The following SYCP2 variants were observed in gnomAD, a reference collection of about 807,000 sequenced individuals.
SYCP2 encodes the protein synaptonemal complex protein 2.
A neutral mutation model predicts 211.3 loss-of-function variants in SYCP2; 55 were observed. The ratio of observed to expected loss-of-function variants is 0.26; its 90% confidence interval spans 0.21 to 0.33. The LOEUF is 0.33. Ranked by LOEUF, SYCP2 falls within the 10% of genes least tolerant of loss-of-function variation. SYCP2 has a pLI of 1.00. For missense variants in SYCP2, 1,731 were observed against 1,752.0 expected (o/e 0.99, Z 0.21); for synonymous variants, 570 against 555.2 (o/e 1.03, Z -0.37).
At chr20:59,915,434 G>T in intron 9 of SYCP2, 31 bp downstream of exon 9, 1 of 1,387,482 alleles carries the variant, frequency 7.2e-7, no homozygotes, top group South Asian at 1.2e-5. Context: ...TGGATTTTAA[G>T]AATAAAAACC....
Position 59,914,019 on chromosome 20 carries a change from C to T in SYCP2, c.786G>A (p.Arg262=), listed in dbSNP as rs1477986676. The T allele has an allele frequency of 1.3e-6, 2 of 1,595,044 alleles. No homozygotes were observed. Among genetic ancestry groups the T allele is most frequent in the Admixed American group, 3.5e-5 (2 of 57,572 alleles). The change falls in exon 12 of 45, where the codon AGG becomes AGA. Residue 262 remains arginine (R), a synonymous_variant. Transcript: ENST00000357552. The part of the protein sequence containing the change: ...IKDSEFETDC[R]IFLNLVNGML... ...TGCCATTTACAAGGTTGAGAAATAT[C>T]CTGCAATCCTAATTTTAAAGAGAAA...
In SYCP2 at chr20:59,863,616, A is replaced by G. The variant is rs1203347326; in HGVS notation, c.*695T>C. 6.6e-6 allele frequency: 1 copy of G among 152,006 alleles called. No individual in the cohort carries two copies. Among genetic ancestry groups the G allele is most frequent in the African/African-American group, 2.4e-5 (1 of 41,428 alleles). The allele number at this position is 152,006 out of a possible 1,614,324, so 9.4% of individuals were successfully genotyped here. ...ATAAGCATTTATTTCAACTTCATTAAAAGCAAATCAAATGTATACTCATTT... is the reference window on the plus strand; with the variant it reads ...ATAAGCATTTATTTCAACTTCATTAGAAGCAAATCAAATGTATACTCATTT... On this transcript the variant is annotated 3_prime_UTR_variant, in exon 45 of 45. Transcript: ENST00000357552.
rs2060438268 is a variant in SYCP2 at position 59,916,204 on chromosome 20, T to C, written c.513+282A>G. Among the ~76,000 whole-genome samples the C allele has an allele frequency of 2.6e-5, 4 of 152,298 alleles. No individual in the cohort carries two copies. The South Asian group carries it at 8.3e-4, about 32-fold the overall frequency. The stretch of plus-strand genomic sequence containing the variant: ...TATGATTATAGTACATGTACACACA[T>C]ACATATACTAATACAGATTATTTTT... On this transcript the variant is annotated intron_variant, in intron 8 of 44. Transcript: ENST00000357552.
intron 2 of SYCP2, among the ~76,000 whole-genome samples, chr20:59,927,922 C>CT (rs1292927548): frequency 6.6e-6 from 1 of 152,050 alleles, no homozygotes; most frequent in South Asian, 2.1e-4. Flanking sequence ...TTGTTCTGTC[C>CT]TTTTTTTCTG....
chr20:59,906,918 T>C (rs186166083), intron 15 of SYCP2, among the ~76,000 whole-genome samples: 48 of 152,318 alleles, frequency 3.2e-4, no homozygotes, highest in Admixed American at 1.9e-3. Flanking sequence ...TCACTAGTCA[T>C]TGGAAAAATG....
chr20:59,892,567 C>T lies in SYCP2; in HGVS notation c.1927+1G>A. Reference sequence around the variant, plus strand: ...TACATATAGATAAAACTAAGTTTCACCTTGATTCAATGTGTCTCCTGACGA... The same window carrying T: ...TACATATAGATAAAACTAAGTTTCATCTTGATTCAATGTGTCTCCTGACGA... On this transcript the variant is annotated splice_donor_variant, in intron 23 of 44. Coordinates refer to ENST00000357552, the MANE Select transcript of SYCP2 (RefSeq NM_014258.4). LOFTEE classifies it high-confidence loss of function. 1 of 1,601,840 alleles carries T rather than the reference C, an allele frequency of 6.2e-7. No homozygotes were observed. Among genetic ancestry groups the T allele is most frequent in the Non-Finnish European group, 8.5e-7 (1 of 1,175,830 alleles).
In SYCP2 at chr20:59,912,364, A is replaced by C. The variant is rs765316614; in HGVS notation, c.876+9T>G. 80 of 1,003,454 alleles carry C rather than the reference A, an allele frequency of 8.0e-5. 1 individual carries two copies. In the Admixed American group the frequency reaches 2.0e-3, roughly 25 times the overall value. 62.2% of individuals were successfully genotyped at this position (1,003,454 alleles called of 1,614,324 possible). A position where few individuals can be genotyped will look rare whatever the true frequency, so the allele number is the denominator to read the frequency against. Reference sequence around the variant, plus strand: ...ATAACTAAAATAATGTGTTAAATTAAAATTTTACCTCATATTTATCAAGAA... The same window carrying C: ...ATAACTAAAATAATGTGTTAAATTACAATTTTACCTCATATTTATCAAGAA... On this transcript the variant is annotated intron_variant, in intron 13 of 44. Transcript: ENST00000357552.
At chr20:59,875,809 G>A (rs1312527051) in intron 33 of SYCP2, among the ~76,000 whole-genome samples, 1 of 152,092 alleles carries the variant, frequency 6.6e-6, no homozygotes, top group Non-Finnish European at 1.5e-5. Flanking sequence ...AAGGTAGAAA[G>A]GGGAAGACAT....
At position 59,877,543 on chromosome 20, in the gene SYCP2, T is replaced by A. The variant is rs563555500; in HGVS notation, c.2992A>T (p.Asn998Tyr). ...GTCTTGTCCATCTTTTTTGTGATAT[T>A]TTTACTGGGTGTCTTTAGGAGAAAA... ...QPSSKMTPSK[N>Y]ITKKMDKTIP... is the part of the protein sequence containing the mutation. Residue 998 changes from asparagine (N) to tyrosine (Y), a missense_variant, in exon 33 of 45, where the codon AAT becomes TAT. By Grantham distance (143) the Asn-to-Tyr change is moderately radical. Coordinates refer to ENST00000357552, the MANE Select transcript of SYCP2 (RefSeq NM_014258.4). 4 of 1,591,002 alleles carry A rather than the reference T, an allele frequency of 2.5e-6. No homozygotes were observed. Among genetic ancestry groups the A allele is most frequent in the Non-Finnish European group, 3.4e-6 (4 of 1,174,718 alleles).
At chr20:59,911,898 G>C (rs1283132952) in intron 13 of SYCP2, 53 bp from the exon 14 acceptor site, 17 of 889,590 alleles carry the variant, frequency 1.9e-5, no homozygotes, top group Non-Finnish European at 2.9e-5. Context: ...AGAAATAACA[G>C]ACAATTATGA....
At position 59,911,803 on chromosome 20, in the gene SYCP2, C is replaced by A; in HGVS notation, c.919G>T (p.Asp307Tyr). ...SDEKLEEFWI[D>Y]FNLGSQTLSF... is the part of the protein sequence containing the mutation. ...AGAGTCTGACTCCCAAGATTAAAAT[C>A]AATCCAAAATTCCTCAAGTTTTTCA... Residue 307 changes from aspartate to tyrosine, a missense_variant, in exon 14 of 45, where the codon GAT (aspartate) becomes TAT (tyrosine). Asp to Tyr is a radical substitution (Grantham distance 160, BLOSUM62 -3). Coordinates refer to ENST00000357552, the MANE Select transcript of SYCP2 (RefSeq NM_014258.4). The A allele has an allele frequency of 6.3e-7, 1 of 1,590,918 alleles. No individual in the cohort carries two copies. Among genetic ancestry groups the A allele is most frequent in the African/African-American group, 1.3e-5 (1 of 74,432 alleles).
At chr20:59,883,757 A>T (rs965100330) in intron 26 of SYCP2, among the ~76,000 whole-genome samples, 4 of 152,058 alleles carry the variant, frequency 2.6e-5, no homozygotes, top group African/African-American at 9.7e-5. Flanking sequence ...ATGTAGGATG[A>T]ATAAGTCTAG....
Position 59,922,446 on chromosome 20 carries a change from G to T in SYCP2, c.-33C>A. Reference sequence around the variant, plus strand: ...TCATTTAAAAAAAAAAAAAAAGCAAGACAAAATAAACACCTATAAAAGAAA... The same window carrying T: ...TCATTTAAAAAAAAAAAAAAAGCAATACAAAATAAACACCTATAAAAGAAA... On this transcript the variant is annotated 5_prime_UTR_variant, in exon 3 of 45. Transcript: ENST00000357552. The T allele has an allele frequency of 1.5e-6, 2 of 1,341,864 alleles. No individual in the cohort carries two copies. Among genetic ancestry groups the T allele is most frequent in the South Asian group, 2.7e-5 (2 of 75,058 alleles). The allele number at this position is 1,341,864 out of a possible 1,614,324, so 83.1% of individuals were successfully genotyped here.
At position 59,873,962 on chromosome 20, in the gene SYCP2, T is replaced by G; in HGVS notation, c.3449A>C (p.Asn1150Thr). 1 of 1,613,362 alleles carries G rather than the reference T, an allele frequency of 6.2e-7. No individual in the cohort carries two copies. ...YPKTSSLESL[N>T]SNSGVGGTIK... ...TGTACCTCCAACTCCACTGTTACTATTTAAGGATTCAAGTGATGAAGTTTT... is the reference window on the plus strand; with the variant it reads ...TGTACCTCCAACTCCACTGTTACTAGTTAAGGATTCAAGTGATGAAGTTTT... Residue 1150 changes from asparagine to threonine, a missense_variant, in exon 35 of 45, where the codon AAT becomes ACT. Transcript: ENST00000357552.
intron 18 of SYCP2, among the ~76,000 whole-genome samples, chr20:59,899,877 C>T (rs1457961853): frequency 6.6e-6 from 1 of 152,030 alleles, no homozygotes; most frequent in African/African-American, 2.4e-5. Context: ...AGGATACATT[C>T]AAGAAGGTTA....
chr20:59,881,846 A>G, intron 28 of SYCP2, 99 bp downstream of exon 28: 1 of 876,356 alleles, frequency 1.1e-6, no homozygotes, highest in East Asian at 2.6e-5. Flanking sequence ...ATTTTAAAGC[A>G]TATGAGGATG....
In SYCP2 at chr20:59,901,704, G is replaced by T; in HGVS notation, c.1140C>A (p.Ile380=). 6.3e-7 allele frequency: 1 copy of T among 1,599,346 alleles called. No individual in the cohort carries two copies. Among genetic ancestry groups the T allele is most frequent in the Non-Finnish European group, 8.5e-7 (1 of 1,172,342 alleles). ...LLLYFDASLE[I]TNVTQKIFGA... ...CAAAAATTTTTTGAGTTACATTAGT[G>T]ATTTCTAGTGATGCGTCAAAATACA... Residue 380 remains isoleucine, a synonymous_variant, in exon 16 of 45, where the codon ATC becomes ATA. Coordinates refer to ENST00000357552, the MANE Select transcript of SYCP2 (RefSeq NM_014258.4).
chr20:59,914,055 A>C (rs1319707960), intron 11 of SYCP2, 28 bp from the exon 12 acceptor site: 8 of 1,575,198 alleles, frequency 5.1e-6, no homozygotes, highest in South Asian at 4.7e-5. Flanking sequence ...TACTTTTAAA[A>C]ATCATAATAA....
intron 34 of SYCP2, 39 bp downstream of exon 34, chr20:59,875,232 T>G (rs8125234): frequency 1.5e-6 from 2 of 1,290,976 alleles, no homozygotes; most frequent in Admixed American, 4.1e-5. Flanking sequence ...TAGAAAACTA[T>G]TGAATATTCA....
Sources: gnomAD v4.1 joint callset for allele counts (sites outside exome capture counted in the v4.1 genomes callset) on GRCh38, gnomAD v4.1.1 for gene constraint, MANE v1.5 for transcripts, NCBI Gene and HGNC (gene_info 2026-07-23, HGNC 2026-07-21) for gene names.